GNAZ: variants seen among roughly 807,000 people sequenced by gnomAD.
The protein encoded by GNAZ is G protein subunit alpha z.
A neutral mutation model predicts 25.4 loss-of-function variants in GNAZ; 3 were observed. The ratio of observed to expected loss-of-function variants is 0.12; its 90% CI spans 0.05 to 0.30. The LOEUF (loss-of-function observed/expected upper bound fraction) is 0.30, where lower values mean the gene tolerates loss of function less well. Ranked by LOEUF, GNAZ falls within the 10% of genes least tolerant of loss-of-function variation. GNAZ has a pLI of 1.00. For missense variants in GNAZ, 241 were observed against 501.8 expected (o/e 0.48, Z 4.97); for synonymous variants, 211 against 205.7 (o/e 1.03, Z -0.22).
intron 2 of GNAZ, among the ~76,000 whole-genome samples, chr22:23,101,885 GC>G (rs780518337): frequency 2.0e-5 from 3 of 152,230 alleles, no homozygotes; most frequent in African/African-American, 2.4e-5. Flanking sequence ...ACCTCGCATG[GC>G]AGGCATGGAA....
intron 1 of GNAZ, among the ~76,000 whole-genome samples, chr22:23,072,893 G>C (rs1357400406): frequency 6.6e-6 from 1 of 152,200 alleles, no homozygotes; most frequent in African/African-American, 2.4e-5. Flanking sequence ...GTCTCAGTCT[G>C]GCCCTCAGGA....
chr22:23,106,512 G>T (rs1288167979), intron 2 of GNAZ, among the ~76,000 whole-genome samples: 1 of 152,172 alleles, frequency 6.6e-6, no homozygotes, highest in Non-Finnish European at 1.5e-5. Flanking sequence ...ATGTGGACTT[G>T]TGTCCATCTG....
At chr22:23,108,492 C>T (rs901080285) in intron 2 of GNAZ, among the ~76,000 whole-genome samples, 1 of 152,182 alleles carries the variant, frequency 6.6e-6, no homozygotes, top group African/African-American at 2.4e-5. Context: ...AGGAGACAGC[C>T]GGGAGAGGCC....
intron 2 of GNAZ, among the ~76,000 whole-genome samples, chr22:23,115,525 G>A (rs2069802945): frequency 6.6e-6 from 1 of 152,176 alleles, no homozygotes; most frequent in Admixed American, 6.5e-5. Context: ...GGGGGTCTCG[G>A]GTTGCCCAGA....
intron 2 of GNAZ, among the ~76,000 whole-genome samples, chr22:23,106,022 G>A (rs1295017259): frequency 6.6e-6 from 1 of 152,306 alleles, no homozygotes; most frequent in African/African-American, 2.4e-5. Flanking sequence ...CCCTTTCGGA[G>A]CAAATGCTCC....
In GNAZ at chr22:23,109,878, C is replaced by T. The variant is rs58106855; in HGVS notation, c.724-13209C>T. ...CAGTTGAGCAGGTACCAGCCCCCCACCTCTCAGTTCCTGAGGCTGGCCGTC... is the reference window on the plus strand; with the variant it reads ...CAGTTGAGCAGGTACCAGCCCCCCATCTCTCAGTTCCTGAGGCTGGCCGTC... On this transcript the variant is annotated intron_variant, in intron 2 of 2. Coordinates refer to ENST00000615612, the MANE Select transcript of GNAZ (RefSeq NM_002073.4). Among the ~76,000 whole-genome samples, 737 of 152,334 alleles carry T rather than the reference C, an allele frequency of 4.8e-3. 10 individuals carry two copies. The highest frequency in any genetic ancestry group is 0.017 in the African/African-American group (699 of 41,582).
At chr22:23,106,714 G>A (rs545754426) in intron 2 of GNAZ, among the ~76,000 whole-genome samples, 1 of 152,224 alleles carries the variant, frequency 6.6e-6, no homozygotes, top group African/African-American at 2.4e-5. Flanking sequence ...AGAGCCTGGC[G>A]CAGGGCATGC....
chr22:23,087,660 G>A (rs191519749), intron 1 of GNAZ, among the ~76,000 whole-genome samples: 2 of 152,150 alleles, frequency 1.3e-5, no homozygotes, highest in African/African-American at 4.8e-5. Context: ...CTTGGTGGAT[G>A]GGGGGTAGCC....
rs1412507158 is a variant in GNAZ, at chr22:23,096,172, C to G, written c.477C>G (p.Asp159Glu). 3.7e-6 allele frequency: 6 copies of G among 1,613,310 alleles called. No individual in the cohort carries two copies. The highest frequency in any genetic ancestry group is 4.2e-6 in the Non-Finnish European group (5 of 1,179,876). Residue 159 changes from aspartate (D) to glutamate (E), a missense_variant, in exon 2 of 3, where the codon GAC becomes GAG. Asp to Glu is a conservative substitution (Grantham distance 45). Transcript: ENST00000615612. Reference sequence around the variant, plus strand: ...ACAACGCGGCCTACTACCTGAACGACCTGGAGCGCATCGCCGCAGCTGACT... The same window carrying G: ...ACAACGCGGCCTACTACCTGAACGAGCTGGAGCGCATCGCCGCAGCTGACT... The part of the protein sequence containing the change: ...LEDNAAYYLN[D>E]LERIAAADYI...
chr22:23,086,993 C>T (rs2068837965), intron 1 of GNAZ, among the ~76,000 whole-genome samples: 1 of 152,190 alleles, frequency 6.6e-6, no homozygotes, highest in African/African-American at 2.4e-5. Flanking sequence ...CATGCGGCTC[C>T]GATAAGTCGG....
chr22:23,101,175 T>A (rs1252576030), intron 2 of GNAZ, among the ~76,000 whole-genome samples: 1 of 152,184 alleles, frequency 6.6e-6, no homozygotes, highest in Admixed American at 6.5e-5. Flanking sequence ...TTATATATCC[T>A]TTAGTGTTCC....
At position 23,082,135 on chromosome 22, in the gene GNAZ, C is replaced by CA. The variant is rs77916701; in HGVS notation, c.-450+11577dup. ...GCAAGACTCCGCCTCAAAAAAAAAA[C>CA]AAAAAAAAAAAACACCCCAGAAATA... is the stretch of plus-strand genomic sequence containing the variant. On this transcript the variant is annotated intron_variant, in intron 1 of 2. Transcript: ENST00000615612. Among the ~76,000 whole-genome samples the CA allele has an allele frequency of 9.6e-3, 1,326 of 137,506 alleles. 11 individuals carry two copies. The highest frequency in any genetic ancestry group is 0.034 in the East Asian group (155 of 4,594). 90.2% of individuals were successfully genotyped at this position (137,506 alleles called of 152,430 possible).
chr22:23,086,305 C>T (rs2068818873), intron 1 of GNAZ, among the ~76,000 whole-genome samples: 1 of 152,212 alleles, frequency 6.6e-6, no homozygotes, highest in Non-Finnish European at 1.5e-5. Context: ...CCCGGGAAAT[C>T]ACCTCCATCT....
intron 1 of GNAZ, among the ~76,000 whole-genome samples, chr22:23,080,118 T>C (rs2068634970): frequency 6.6e-6 from 1 of 151,302 alleles, no homozygotes; most frequent in African/African-American, 2.5e-5. Context: ...AGGCCCCACT[T>C]CTTCTCTGCT....
At position 23,098,992 on chromosome 22, in the gene GNAZ, G is replaced by A. The variant is rs778153212; in HGVS notation, c.723+2574G>A. Among the ~76,000 whole-genome samples the A allele has an allele frequency of 7.2e-5, 11 of 152,238 alleles. No individual in the cohort carries two copies. In the East Asian group the frequency reaches 1.5e-3, roughly 21 times the overall value. On this transcript the variant is annotated intron_variant, in intron 2 of 2. Coordinates refer to ENST00000615612, the MANE Select transcript of GNAZ (RefSeq NM_002073.4). ...AGGCAGCCAAGAACAGGCCATGCTC[G>A]TTTTCACAAAAGCCGAATGAACCTT...
chr22:23,121,186 TC>T (rs1282700490), intron 2 of GNAZ, among the ~76,000 whole-genome samples: 1 of 152,110 alleles, frequency 6.6e-6, no homozygotes, highest in East Asian at 1.9e-4. Context: ...AGCACCCCCA[TC>T]CCCAGACCTG....
chr22:23,080,582 C>A (rs1454577316), intron 1 of GNAZ, among the ~76,000 whole-genome samples: 1 of 152,220 alleles, frequency 6.6e-6, no homozygotes, highest in African/African-American at 2.4e-5. Flanking sequence ...CGTTGCGGAT[C>A]TGCAGGTGCA....
rs1187053991 is a variant in GNAZ at position 23,071,352 on chromosome 22, G to T, written c.-450+782G>T. 3.3e-5 allele frequency among the ~76,000 whole-genome samples: 5 copies of T among 152,182 alleles called. No individual in the cohort carries two copies. Among genetic ancestry groups the T allele is most frequent in the African/African-American group, 1.2e-4 (5 of 41,458 alleles). On this transcript the variant is annotated intron_variant, in intron 1 of 2. Transcript: ENST00000615612. The surrounding 1 kb of genome is among the most constrained non-coding windows in gnomAD (Gnocchi z 4.1). ...GATTCGGCCTAGGCCGAGAATGGGG[G>T]CTCCTGTTAACTGAGACAAGAGGAT...
chr22:23,122,778 G>C lies in GNAZ; in HGVS notation c.724-309G>C, dbSNP rs77264287. On this transcript the variant is annotated intron_variant, in intron 2 of 2. Transcript: ENST00000615612. ...CTGGAGGTGCCCAGCGGTTTAGGAG[G>C]CTGTGCTTGGCACATCTGTAGCCCC... 2,498 of 405,854 alleles carry C rather than the reference G, an allele frequency of 6.2e-3. 62 individuals are homozygous for C. Among genetic ancestry groups the C allele is most frequent in the African/African-American group, 0.045 (2,270 of 50,838 alleles). The allele number at this position is 405,854 out of a possible 1,614,324, so 25.1% of individuals were successfully genotyped here.
Sources: gnomAD v4.1 joint callset for allele counts (sites outside exome capture counted in the v4.1 genomes callset) on GRCh38, gnomAD v4.1.1 for gene constraint, Gnocchi (gnomAD v3.1) non-coding constraint, MANE v1.5 for transcripts, NCBI Gene and HGNC (gene_info 2026-07-23, HGNC 2026-07-21) for gene names.